RNF150: variants seen among roughly 807,000 people sequenced by gnomAD.
RNF150 encodes the protein ring finger protein 150.
Under a neutral mutation model 39.3 loss-of-function variants are expected in RNF150, and 24 were observed. That is an observed-to-expected ratio of 0.61 (90% CI 0.44 to 0.86). The LOEUF (loss-of-function observed/expected upper bound fraction) is 0.86. RNF150 is among the 40% of genes least tolerant of loss of function. RNF150 has a pLI of 0.00. For missense variants in RNF150, 502 were observed against 587.8 expected (o/e 0.85, Z 1.51); for synonymous variants, 255 against 227.3 (o/e 1.12, Z -1.10).
chr4:140,929,244 G>T (rs1428151455), intron 4 of RNF150, among the ~76,000 whole-genome samples: 1 of 151,982 alleles, frequency 6.6e-6, no homozygotes, highest in Non-Finnish European at 1.5e-5. Flanking sequence ...TAATACTACA[G>T]CGGAAAAGCC....
chr4:141,036,002 T>C (rs1281686509), intron 1 of RNF150, among the ~76,000 whole-genome samples: 1 of 151,978 alleles, frequency 6.6e-6, no homozygotes, highest in Non-Finnish European at 1.5e-5. Flanking sequence ...TATCAATAAG[T>C]TTAGAAAGAA....
intron 5 of RNF150, 72 bp downstream of exon 5, chr4:140,925,905 A>C: frequency 2.9e-6 from 3 of 1,039,868 alleles, no homozygotes; most frequent in Non-Finnish European, 4.5e-6. Flanking sequence ...TCCAAGTATA[A>C]TGTTTTCTCC....
intron 6 of RNF150, among the ~76,000 whole-genome samples, chr4:140,882,407 A>G (rs1008272325): frequency 6.6e-6 from 1 of 152,184 alleles, no homozygotes; most frequent in African/African-American, 2.4e-5. Flanking sequence ...GTATTCTGCT[A>G]CTGTTGGGTG....
intron 6 of RNF150, among the ~76,000 whole-genome samples, chr4:140,880,187 T>C (rs1729318922): frequency 6.6e-6 from 1 of 152,194 alleles, no homozygotes; most frequent in African/African-American, 2.4e-5. Flanking sequence ...CCTAGTTTGT[T>C]GAATATTTTT....
intron 2 of RNF150, among the ~76,000 whole-genome samples, chr4:140,955,931 A>G (rs1732733415): frequency 6.6e-6 from 1 of 152,236 alleles, no homozygotes; most frequent in African/African-American, 2.4e-5. Flanking sequence ...ATATTAGGAA[A>G]AGTTATTCTC....
intron 6 of RNF150, among the ~76,000 whole-genome samples, chr4:140,887,912 A>G (rs1028265037): frequency 5.9e-5 from 9 of 152,336 alleles, no homozygotes; most frequent in African/African-American, 2.2e-4. Context: ...AAACAGCTCA[A>G]TGATAACTGG....
intron 1 of RNF150, among the ~76,000 whole-genome samples, chr4:141,022,678 T>A (rs1204283500): frequency 6.6e-6 from 1 of 152,222 alleles, no homozygotes; most frequent in African/African-American, 2.4e-5. Flanking sequence ...GAAGCTCATT[T>A]AGGAAAGTAG....
Position 141,133,121 on chromosome 4 carries a change from C to T in RNF150, c.-313G>A, listed in dbSNP as rs1318138919. 1 of 316,900 alleles carries T rather than the reference C, an allele frequency of 3.2e-6. No individual in the cohort carries two copies. The highest frequency in any genetic ancestry group is 5.9e-6 in the Non-Finnish European group (1 of 170,322). 19.6% of individuals were successfully genotyped at this position (316,900 alleles called of 1,614,324 possible). On this transcript the variant is annotated 5_prime_UTR_variant, in exon 1 of 7. Transcript: ENST00000515673. ...CTGCCGAGCGTCCTGCTCCTTCGCCCGGCTTCGCCTTCTCTCATAAGGGTG... is the reference window on the plus strand; with the variant it reads ...CTGCCGAGCGTCCTGCTCCTTCGCCTGGCTTCGCCTTCTCTCATAAGGGTG...
intron 1 of RNF150, among the ~76,000 whole-genome samples, chr4:141,002,743 G>A (rs1027626541): frequency 1.3e-5 from 2 of 152,112 alleles, no homozygotes; most frequent in African/African-American, 4.8e-5. Flanking sequence ...GAGCTGCAGG[G>A]GGAAGCCTGG....
intron 1 of RNF150, among the ~76,000 whole-genome samples, chr4:141,184,867 C>A (rs1578785916): frequency 6.8e-6 from 1 of 147,996 alleles, no homozygotes; most frequent in Non-Finnish European, 1.5e-5. Flanking sequence ...GTCTATATAT[C>A]TGTGTGTGTG....
At chr4:140,970,134 C>T (rs1198186869) in intron 1 of RNF150, among the ~76,000 whole-genome samples, 1 of 152,058 alleles carries the variant, frequency 6.6e-6, no homozygotes, top group African/African-American at 2.4e-5. Context: ...CTCTTTAGAA[C>T]TATTTAGAAA....
At chr4:141,021,380 G>A (rs367808062) in intron 1 of RNF150, among the ~76,000 whole-genome samples, 16 of 152,004 alleles carry the variant, frequency 1.1e-4, no homozygotes, top group African/African-American at 3.4e-4. Context: ...TGTACCAAAC[G>A]GAAAAAAAAC....
At chr4:140,892,442 G>T (rs1482742579) in intron 6 of RNF150, among the ~76,000 whole-genome samples, 1 of 152,208 alleles carries the variant, frequency 6.6e-6, no homozygotes, top group Non-Finnish European at 1.5e-5. Context: ...ACCAGCCTGT[G>T]CTGGCTGCTT....
chr4:141,079,538 A>G (rs745371064), intron 1 of RNF150, among the ~76,000 whole-genome samples: 3 of 152,192 alleles, frequency 2.0e-5, no homozygotes, highest in African/African-American at 4.8e-5. Flanking sequence ...AAAAAATAAT[A>G]TGTAAGGTGC....
chr4:140,974,471 TA>T (rs1358004423), intron 1 of RNF150, among the ~76,000 whole-genome samples: 1 of 152,196 alleles, frequency 6.6e-6, no homozygotes, highest in Non-Finnish European at 1.5e-5. Context: ...CTATGAACAT[TA>T]GTTTTTGGAT....
At chr4:141,111,922 T>C (rs990659464) in intron 1 of RNF150, among the ~76,000 whole-genome samples, 8 of 152,208 alleles carry the variant, frequency 5.3e-5, no homozygotes, top group Admixed American at 1.3e-4. Flanking sequence ...CAAATGCTAA[T>C]AGTCTGCAAA....
intron 1 of RNF150, among the ~76,000 whole-genome samples, chr4:141,020,326 T>C (rs911023275): frequency 2.0e-5 from 3 of 152,114 alleles, no homozygotes; most frequent in Admixed American, 6.6e-5. Context: ...GCAAATGTGA[T>C]GCAACTCCAC....
chr4:140,870,720 AC>A (rs961392735), intron 6 of RNF150, among the ~76,000 whole-genome samples: 1 of 152,106 alleles, frequency 6.6e-6, no homozygotes, highest in African/African-American at 2.4e-5. Context: ...GCAGGACACA[AC>A]CCACACAGCC....
chr4:140,986,301 T>C (rs1734013514), intron 1 of RNF150, among the ~76,000 whole-genome samples: 1 of 152,112 alleles, frequency 6.6e-6, no homozygotes, highest in Non-Finnish European at 1.5e-5. Flanking sequence ...CACAATCTAC[T>C]CTGATATCAT....
Sources: gnomAD v4.1 joint callset for allele counts (sites outside exome capture counted in the v4.1 genomes callset) on GRCh38, gnomAD v4.1.1 for gene constraint, MANE v1.5 for transcripts, NCBI Gene and HGNC (gene_info 2026-07-23, HGNC 2026-07-21) for gene names.